The following GIGYF2 variants were observed in gnomAD, a reference collection of about 807,000 sequenced individuals.
The protein encoded by GIGYF2 is GRB10 interacting GYF protein 2, also known as GRB10-interacting GYF protein 2.
GIGYF2 carries 25 observed loss-of-function variants against 208.1 expected under a neutral mutation model. The ratio of observed to expected loss-of-function variants is 0.12; its 90% CI spans 0.09 to 0.17. The LOEUF (loss-of-function observed/expected upper bound fraction) is 0.17, where lower values mean the gene tolerates loss of function less well. Among genes scored for constraint, GIGYF2 ranks in the 10% least tolerant of loss-of-function variants. The pLI, the probability that GIGYF2 is intolerant of heterozygous loss-of-function variation, is 1.00. For missense variants in GIGYF2, 1,302 were observed against 1,579.4 expected, an observed-to-expected ratio of 0.82 and a Z score of 2.98; for synonymous variants, 534 against 543.8, an observed-to-expected ratio of 0.98 and a Z score of 0.25.
intron 1 of GIGYF2, among the ~76,000 whole-genome samples, chr2:232,701,689 G>C (rs1695851585): frequency 6.6e-6 from 1 of 151,842 alleles, no homozygotes; most frequent in South Asian, 2.1e-4. Flanking sequence ...TTCCCAAAGT[G>C]TTGAGATTAT....
At chr2:232,840,014 A>G (rs1277012839) in intron 23 of GIGYF2, 43 bp downstream of exon 23, 1 of 1,594,182 alleles carries the variant, frequency 6.3e-7, no homozygotes, top group Non-Finnish European at 8.6e-7. Context: ...GCGATGTTCC[A>G]GAATATCTAG....
chr2:232,836,684 C>T (rs1000962793), intron 22 of GIGYF2, among the ~76,000 whole-genome samples: 4 of 151,298 alleles, frequency 2.6e-5, no homozygotes, highest in African/African-American at 4.9e-5. Flanking sequence ...GTTTTGACTC[C>T]GGGAGGATTT....
chr2:232,786,830 T>C (rs1433396784), intron 8 of GIGYF2, among the ~76,000 whole-genome samples: 2 of 152,198 alleles, frequency 1.3e-5, no homozygotes, highest in Admixed American at 6.5e-5. Flanking sequence ...GGAAAGACTT[T>C]ATAAGAAACT....
intron 28 of GIGYF2, among the ~76,000 whole-genome samples, chr2:232,853,419 G>A (rs1201015000): frequency 3.9e-5 from 6 of 152,170 alleles, no homozygotes; most frequent in Admixed American, 3.9e-4. Flanking sequence ...TGGGACTACA[G>A]GTGCGTGCCA....
In GIGYF2 at chr2:232,724,207, A is replaced by ATT. The variant is rs1163865821; in HGVS notation, c.-43-10927_-43-10926dup. 3.2e-3 allele frequency among the ~76,000 whole-genome samples: 364 copies of ATT among 114,156 alleles called. 2 individuals are homozygous for ATT. Among genetic ancestry groups the ATT allele is most frequent in the South Asian group, 6.6e-3 (20 of 3,028 alleles). The allele number at this position is 114,156 out of a possible 152,430, so 74.9% of individuals were successfully genotyped here. The stretch of plus-strand genomic sequence containing the variant: ...CAGGCGCCCGCTGCCACACCTGGCT[A>ATT]TTTTTTTTTTTTTTTTTTTTTTGTA... On this transcript the variant is annotated intron_variant, in intron 2 of 28. Coordinates refer to ENST00000373563, the MANE Select transcript of GIGYF2 (RefSeq NM_001103146.3).
chr2:232,711,299 C>T (rs1411367971), intron 2 of GIGYF2, among the ~76,000 whole-genome samples: 4 of 148,726 alleles, frequency 2.7e-5, no homozygotes, highest in African/African-American at 9.9e-5. Flanking sequence ...AGGGTTTCAC[C>T]ATGTTGCCCA....
chr2:232,797,614 C>A (rs1053066904), intron 14 of GIGYF2, among the ~76,000 whole-genome samples: 1 of 151,906 alleles, frequency 6.6e-6, no homozygotes, highest in African/African-American at 2.4e-5. Context: ...CTTTATACAG[C>A]TTCCCCTGGT....
chr2:232,705,196 GA>G (rs1265394291), intron 2 of GIGYF2, among the ~76,000 whole-genome samples: 1 of 151,992 alleles, frequency 6.6e-6, no homozygotes, highest in East Asian at 1.9e-4. Flanking sequence ...AGCTACACTT[GA>G]GTATTAGGAA....
At chr2:232,770,988 C>T in intron 8 of GIGYF2, 1 of 1,614,080 alleles carries the variant, frequency 6.2e-7, no homozygotes, top group Non-Finnish European at 8.5e-7. Context: ...CACTGGGGAA[C>T]ATGGTACCAT....
chr2:232,781,996 T>G (rs1255221159), intron 8 of GIGYF2, among the ~76,000 whole-genome samples: 1 of 152,200 alleles, frequency 6.6e-6, no homozygotes, highest in East Asian at 1.9e-4. Context: ...TAAGATACAT[T>G]AACACATTTT....
intron 27 of GIGYF2, among the ~76,000 whole-genome samples, 153 bp from the exon 28 acceptor site, chr2:232,850,109 C>G (rs1268458091): frequency 2.0e-5 from 3 of 152,150 alleles, no homozygotes; most frequent in South Asian, 2.1e-4. Flanking sequence ...AGTGGCCGCT[C>G]TTGATTTTAT....
intron 12 of GIGYF2, 28 bp from the exon 13 acceptor site, chr2:232,794,720 G>T (rs1348530103): frequency 6.3e-7 from 1 of 1,579,236 alleles, no homozygotes; most frequent in South Asian, 1.1e-5. Flanking sequence ...GTATTTCAAA[G>T]GATTTTCATC....
chr2:232,849,608 C>T (rs1559169483), intron 27 of GIGYF2, among the ~76,000 whole-genome samples: 1 of 152,208 alleles, frequency 6.6e-6, no homozygotes, highest in Non-Finnish European at 1.5e-5. Flanking sequence ...TACACACATG[C>T]TCACACCAGG....
At position 232,850,351 on chromosome 2, in the gene GIGYF2, G is replaced by A. The variant is rs143710005; in HGVS notation, c.3774G>A (p.Val1258=). The change falls in exon 28 of 29, where the codon GTG becomes GTA. Residue 1258 remains valine, a synonymous_variant. Coordinates refer to ENST00000373563, the MANE Select transcript of GIGYF2 (RefSeq NM_001103146.3). ...ACCAACAATCCAATTTTGAGGCTGT[G>A]CAGAGTGGCAAGAAGAAGAAAAAGC... ...SNNQQSNFEA[V]QSGKKKKKQK... is the part of the protein sequence containing the mutation. 1.3e-3 allele frequency: 2,112 copies of A among 1,613,988 alleles called. 4 individuals are homozygous for A. The highest frequency in any genetic ancestry group is 1.7e-3 in the Non-Finnish European group (2,019 of 1,179,972).
At chr2:232,711,254 CTTTTT>C (rs34701447) in intron 2 of GIGYF2, among the ~76,000 whole-genome samples, 8 of 124,910 alleles carry the variant, frequency 6.4e-5, no homozygotes, top group Admixed American at 8.2e-5. Context: ...CCTGGCTAAT[CTTTTT>C]TTTTTTTTTT....
At chr2:232,794,992 A>G (rs767813452) in intron 13 of GIGYF2, 48 bp downstream of exon 13, 178 of 1,343,390 alleles carry the variant, frequency 1.3e-4, no homozygotes, top group Non-Finnish European at 1.6e-4. Flanking sequence ...CTGCCGTAAG[A>G]ATTAGCAGGC....
intron 6 of GIGYF2, among the ~76,000 whole-genome samples, chr2:232,757,415 C>T (rs1574842899): frequency 6.6e-6 from 1 of 151,818 alleles, no homozygotes; most frequent in African/African-American, 2.4e-5. Context: ...AAAGGAAATA[C>T]CTGTGCAACA....
At chr2:232,728,912 AT>A (rs150993948) in intron 2 of GIGYF2, among the ~76,000 whole-genome samples, 3,528 of 152,210 alleles carry the variant, frequency 0.023, 143 homozygotes, top group African/African-American at 0.08. Context: ...GAATTGCTTT[AT>A]AAACTCAGAG....
intron 22 of GIGYF2, among the ~76,000 whole-genome samples, chr2:232,836,317 TATATATATATATAC>T (rs1701618832): frequency 4.5e-5 from 1 of 22,196 alleles, no homozygotes; most frequent in African/African-American, 1.5e-4. Flanking sequence ...TATATATATA[TATATATATATATAC>T]ATATATATAC....
Sources: allele counts gnomAD v4.1 joint callset (sites outside exome capture counted in the v4.1 genomes callset), GRCh38; gene constraint gnomAD v4.1.1; transcripts MANE v1.5; gene names NCBI Gene and HGNC (gene_info 2026-07-23, HGNC 2026-07-21).